MAP7: variants seen among roughly 807,000 people sequenced by gnomAD.
MAP7 encodes ensconsin.
In MAP7, 52 loss-of-function variants were observed where a neutral mutation model predicts 94.8. The observed-to-expected ratio is 0.55, with a 90% CI of 0.44 to 0.69. The LOEUF (loss-of-function observed/expected upper bound fraction) is 0.69, where lower values mean the gene tolerates loss of function less well. Among genes scored for constraint, MAP7 ranks in the 30% least tolerant of loss-of-function variants. The pLI is 0.00. For synonymous variants in MAP7, 350 were observed against 357.0 expected, an observed-to-expected ratio of 0.98 and a Z score of 0.22; for missense variants, 940 against 964.6, an observed-to-expected ratio of 0.97 and a Z score of 0.34.
At chr6:136,379,441 C>A (rs1777121025) in intron 6 of MAP7, among the ~76,000 whole-genome samples, 1 of 152,096 alleles carries the variant, frequency 6.6e-6, no homozygotes, top group Admixed American at 6.6e-5. Flanking sequence ...AAAACTACTG[C>A]AATAGTTACA....
At chr6:136,399,248 C>T (rs73565420) in intron 3 of MAP7, among the ~76,000 whole-genome samples, 1,550 of 152,292 alleles carry the variant, frequency 0.01, 21 homozygotes, top group East Asian at 0.039. Context: ...AAAGAGTATA[C>T]AAAATGATCT....
At chr6:136,494,400 T>C (rs1817597275) in intron 1 of MAP7, among the ~76,000 whole-genome samples, 1 of 152,204 alleles carries the variant, frequency 6.6e-6, no homozygotes, top group African/African-American at 2.4e-5. Context: ...TTTACTTATA[T>C]TGTCCTTGGG....
At chr6:136,490,913 T>C (rs1419777441) in intron 1 of MAP7, among the ~76,000 whole-genome samples, 3 of 152,138 alleles carry the variant, frequency 2.0e-5, no homozygotes. Context: ...GCTCATCTTA[T>C]CCCCCAAAAA....
intron 2 of MAP7, among the ~76,000 whole-genome samples, chr6:136,417,585 G>A (rs1321613813): frequency 2.6e-5 from 4 of 152,254 alleles, no homozygotes; most frequent in African/African-American, 9.6e-5. Flanking sequence ...ATAACACTAG[G>A]AGTTAGCCAA....
At chr6:136,401,639 G>A (rs976590895) in intron 3 of MAP7, among the ~76,000 whole-genome samples, 2 of 152,098 alleles carry the variant, frequency 1.3e-5, no homozygotes, top group Non-Finnish European at 2.9e-5. Flanking sequence ...CGTGGGGTGG[G>A]AGGAGGGGAG....
At chr6:136,425,636 G>A (rs546077614) in intron 1 of MAP7, among the ~76,000 whole-genome samples, 1 of 151,802 alleles carries the variant, frequency 6.6e-6, no homozygotes, top group East Asian at 1.9e-4. Flanking sequence ...TGTAACACTC[G>A]AATCATAGGT....
intron 1 of MAP7, among the ~76,000 whole-genome samples, chr6:136,464,859 G>A (rs961396816): frequency 3.3e-5 from 5 of 152,296 alleles, no homozygotes; most frequent in Middle Eastern, 3.4e-3. Flanking sequence ...AACATCCCCT[G>A]CCCTCTATGA....
intron 2 of MAP7, among the ~76,000 whole-genome samples, chr6:136,412,774 G>A (rs1787903586): frequency 1.3e-5 from 2 of 152,122 alleles, no homozygotes; most frequent in African/African-American, 4.8e-5. Flanking sequence ...AGGTTTACAG[G>A]CTCACTCTGC....
intron 5 of MAP7, among the ~76,000 whole-genome samples, chr6:136,386,064 C>A (rs1779109715): frequency 6.6e-6 from 1 of 152,204 alleles, no homozygotes; most frequent in Non-Finnish European, 1.5e-5. Flanking sequence ...AGCCACCGCA[C>A]CCTGCTGATC....
intron 1 of MAP7, among the ~76,000 whole-genome samples, chr6:136,486,181 G>C (rs73777914): frequency 0.034 from 5,227 of 152,232 alleles, 303 homozygotes; most frequent in African/African-American, 0.12. Flanking sequence ...CCAAAATCTA[G>C]GAGCTATATA....
chr6:136,346,000 G>T lies in MAP7; in HGVS notation c.2095C>A (p.Pro699Thr), dbSNP rs1582618376. 2 of 1,613,222 alleles carry T rather than the reference G, an allele frequency of 1.2e-6. No individual in the cohort carries two copies. Among genetic ancestry groups the T allele is most frequent in the Non-Finnish European group, 1.7e-6 (2 of 1,179,178 alleles). ...NENFEEIINL[P>T]IGSKPSRLDV... ...AATCTGGATGGTTTAGATCCAATGG[G>T]TAAGTTTATAATTTCTTCAAAATTT... The change falls in exon 17 of 18, where the codon CCC (proline) becomes ACC (threonine). Residue 699 changes from proline to threonine, a missense_variant. Coordinates refer to ENST00000354570, the MANE Select transcript of MAP7 (RefSeq NM_003980.6).
In MAP7 at chr6:136,550,394, T is replaced by C; in HGVS notation, c.15A>G (p.Gly5=). 6.5e-7 allele frequency: 1 copy of C among 1,527,630 alleles called. No individual in the cohort carries two copies. The highest frequency in any genetic ancestry group is 8.7e-7 in the Non-Finnish European group (1 of 1,145,526). The allele number at this position is 1,527,630 out of a possible 1,614,324, so 94.6% of individuals were successfully genotyped here. A position where few individuals can be genotyped will look rare whatever the true frequency, so the allele number is the denominator to read the frequency against. MAEL[G]AGGDGHRGGD... is the part of the protein sequence containing the mutation. ...CGCCCCTGTGGCCGTCGCCGCCAGCTCCTAGCTCCGCCATGGTGCTCCGAT... is the reference window on the plus strand; with the variant it reads ...CGCCCCTGTGGCCGTCGCCGCCAGCCCCTAGCTCCGCCATGGTGCTCCGAT... The change falls in exon 1 of 18, where the codon GGA becomes GGG. Residue 5 remains glycine (G), a synonymous_variant. Coordinates refer to ENST00000354570, the MANE Select transcript of MAP7 (RefSeq NM_003980.6). This position sits in a 1 kb window ranked among gnomAD's most constrained non-coding sequence, Gnocchi z 5.1.
chr6:136,542,229 C>T (rs894307490), intron 1 of MAP7, among the ~76,000 whole-genome samples: 2 of 152,072 alleles, frequency 1.3e-5, no homozygotes, highest in African/African-American at 4.8e-5. Context: ...CAGAGTTTTA[C>T]AAGAGCTAAG....
chr6:136,457,694 TA>T (rs1028491839), intron 1 of MAP7, among the ~76,000 whole-genome samples: 1 of 151,780 alleles, frequency 6.6e-6, no homozygotes, highest in Admixed American at 6.6e-5. Flanking sequence ...AATGAAGGAT[TA>T]AAAAAAACAC....
intron 1 of MAP7, among the ~76,000 whole-genome samples, chr6:136,491,077 T>C (rs570811070): frequency 6.6e-6 from 1 of 152,348 alleles, no homozygotes; most frequent in South Asian, 2.1e-4. Context: ...CATTTCTGCC[T>C]AGAATAATGA....
At chr6:136,394,413 A>G (rs1781709683) in intron 3 of MAP7, among the ~76,000 whole-genome samples, 1 of 151,504 alleles carries the variant, frequency 6.6e-6, no homozygotes, top group African/African-American at 2.4e-5. Flanking sequence ...CCAGTTACCT[A>G]TTGATAGGTT....
chr6:136,344,199 T>G lies in MAP7; in HGVS notation c.*29A>C. On this transcript the variant is annotated 3_prime_UTR_variant, in exon 18 of 18. Transcript: ENST00000354570. ...ATTAATTGTAGAAATTCTCATTAAA[T>G]TTCAGCTTTGGTTCTTCAGAAGAAA... 1.6e-6 allele frequency: 2 copies of G among 1,272,314 alleles called. No homozygotes were observed. Among genetic ancestry groups the G allele is most frequent in the Non-Finnish European group, 2.1e-6 (2 of 952,328 alleles). The allele number at this position is 1,272,314 out of a possible 1,614,324, so 78.8% of individuals were successfully genotyped here. A position where few individuals can be genotyped will look rare whatever the true frequency, so the allele number is the denominator to read the frequency against.
chr6:136,474,890 A>G (rs1810360325), intron 1 of MAP7, among the ~76,000 whole-genome samples: 1 of 151,868 alleles, frequency 6.6e-6, no homozygotes, highest in Non-Finnish European at 1.5e-5. Flanking sequence ...TAATTTTTGT[A>G]TTTTGGGTAG....
chr6:136,448,197 A>G (rs916369028), intron 1 of MAP7, among the ~76,000 whole-genome samples: 32 of 152,164 alleles, frequency 2.1e-4, no homozygotes, highest in African/African-American at 7.5e-4. Context: ...GTCTCAAAAA[A>G]TAAAAAAAAA....
Sources: allele counts gnomAD v4.1 joint callset (sites outside exome capture counted in the v4.1 genomes callset), GRCh38; gene constraint gnomAD v4.1.1; non-coding constraint Gnocchi (gnomAD v3.1); transcripts MANE v1.5; gene names NCBI Gene and HGNC (gene_info 2026-07-23, HGNC 2026-07-21).